The following DCAF5 variants were observed in gnomAD, a reference collection of about 807,000 sequenced individuals.
The protein encoded by DCAF5 is DDB1- and CUL4-associated factor 5.
Under a neutral mutation model 80.7 loss-of-function variants are expected in DCAF5, and 9 were observed. That is an observed-to-expected ratio of 0.11 (90% CI 0.07 to 0.19). The LOEUF is 0.19. Ranked by LOEUF, DCAF5 falls within the 10% of genes least tolerant of loss-of-function variation. The pLI, the probability that DCAF5 is intolerant of heterozygous loss-of-function variation, is 1.00. For synonymous variants in DCAF5, 433 were observed against 461.9 expected (o/e 0.94, Z 0.80); for missense variants, 842 against 1,205.7 (o/e 0.70, Z 4.47).
intron 7 of DCAF5, among the ~76,000 whole-genome samples, chr14:69,066,341 T>G (rs1342800621): frequency 6.6e-6 from 1 of 152,140 alleles, no homozygotes; most frequent in Admixed American, 6.5e-5. Flanking sequence ...TTCACCATGT[T>G]GGTTAGGCTG....
chr14:69,104,682 C>T (rs2040073348), intron 5 of DCAF5, among the ~76,000 whole-genome samples: 7 of 151,874 alleles, frequency 4.6e-5, no homozygotes. Context: ...ATGGTGAAAC[C>T]CCATCTCTAC....
chr14:69,060,149 C>G (rs945160822), intron 8 of DCAF5, among the ~76,000 whole-genome samples: 1 of 152,242 alleles, frequency 6.6e-6, no homozygotes. Context: ...CATTAGTCAT[C>G]AGCCAAAGGA....
At chr14:69,100,288 C>A (rs2140000108) in intron 5 of DCAF5, among the ~76,000 whole-genome samples, 1 of 152,250 alleles carries the variant, frequency 6.6e-6, no homozygotes, top group Non-Finnish European at 1.5e-5. Flanking sequence ...TATACTCCCT[C>A]TTTTAAAAAG....
At chr14:69,098,758 C>T (rs1186287233) in intron 5 of DCAF5, among the ~76,000 whole-genome samples, 4 of 144,826 alleles carry the variant, frequency 2.8e-5, no homozygotes, top group African/African-American at 1.0e-4. Flanking sequence ...ATTAGCCGGG[C>T]GTAGTGGCAG....
At chr14:69,100,957 G>A (rs1422771384) in intron 5 of DCAF5, among the ~76,000 whole-genome samples, 1 of 152,172 alleles carries the variant, frequency 6.6e-6, no homozygotes, top group African/African-American at 2.4e-5. Context: ...TACCCCTGAA[G>A]AAGCAACAAG....
chr14:69,122,491 C>T (rs758355939), intron 1 of DCAF5, 131 bp from the exon 2 acceptor site: 12 of 924,044 alleles, frequency 1.3e-5, no homozygotes, highest in Non-Finnish European at 1.9e-5. Context: ...GCATGGAGCA[C>T]AAAAACCCAG....
intron 5 of DCAF5, among the ~76,000 whole-genome samples, chr14:69,094,763 T>A (rs757317427): frequency 6.6e-6 from 1 of 152,014 alleles, no homozygotes; most frequent in South Asian, 2.1e-4. Context: ...AAGTGTAAGA[T>A]GCATGAAAAA....
At chr14:69,151,561 G>C (rs936240513) in intron 1 of DCAF5, among the ~76,000 whole-genome samples, 13 of 152,286 alleles carry the variant, frequency 8.5e-5, no homozygotes, top group Non-Finnish European at 1.6e-4. Context: ...GAAGAGGGCA[G>C]CAGCCAAGCA....
intron 7 of DCAF5, among the ~76,000 whole-genome samples, chr14:69,071,065 C>T (rs752614617): frequency 1.2e-4 from 18 of 152,048 alleles, no homozygotes; most frequent in African/African-American, 4.1e-4. Flanking sequence ...CCCAAAGTGC[C>T]GGGATTATAG....
At chr14:69,143,666 T>C (rs575915299) in intron 1 of DCAF5, among the ~76,000 whole-genome samples, 50 of 150,482 alleles carry the variant, frequency 3.3e-4, no homozygotes, top group African/African-American at 1.2e-3. Context: ...GCAGGGGATG[T>C]GAAACAATGA....
At chr14:69,066,382 G>C (rs544804185) in intron 7 of DCAF5, among the ~76,000 whole-genome samples, 1 of 152,036 alleles carries the variant, frequency 6.6e-6, no homozygotes, top group Admixed American at 6.6e-5. Context: ...TAATCTGCCC[G>C]CCTTGGCCTC....
intron 7 of DCAF5, among the ~76,000 whole-genome samples, chr14:69,066,363 C>T (rs756800949): frequency 3.3e-5 from 5 of 152,120 alleles, no homozygotes; most frequent in Non-Finnish European, 5.9e-5. Context: ...TCTCCAACTC[C>T]TGACCTCATA....
At chr14:69,058,654 C>T (rs946532045) in intron 8 of DCAF5, among the ~76,000 whole-genome samples, 7 of 151,890 alleles carry the variant, frequency 4.6e-5, no homozygotes, top group Non-Finnish European at 1.0e-4. Flanking sequence ...GCAGGAGGAT[C>T]GCTTGAGCCC....
At position 69,091,765 on chromosome 14, in the gene DCAF5, T is replaced by C. The variant is rs2039540357; in HGVS notation, c.788A>G (p.His263Arg). The change falls in exon 6 of 9, where the codon CAT becomes CGT. Residue 263 changes from histidine (H) to arginine (R), a missense_variant. By Grantham distance (29) the His-to-Arg change is conservative. This residue lies in a region of DCAF5 where 142 missense variants were observed against 311.9 expected (regional missense o/e 0.46). Coordinates refer to ENST00000341516, the MANE Select transcript of DCAF5 (RefSeq NM_003861.3). ...RRLPPVLYDI[H>R]SRLPVFQFDN... is the part of the protein sequence containing the mutation. ...AAACTGAAACACAGGCAGGCGGGAA[T>C]GGATGTCATAGAGCACAGGGGGCAG... is the stretch of plus-strand genomic sequence containing the variant. The C allele has an allele frequency of 2.5e-6, 4 of 1,614,036 alleles. No individual in the cohort carries two copies. Among genetic ancestry groups the C allele is most frequent in the Non-Finnish European group, 3.4e-6 (4 of 1,180,032 alleles).
intron 6 of DCAF5, among the ~76,000 whole-genome samples, chr14:69,081,704 T>C (rs1481023766): frequency 6.6e-6 from 1 of 152,094 alleles, no homozygotes; most frequent in Non-Finnish European, 1.5e-5. Context: ...TTTGTCACTG[T>C]CTCACTGACC....
At chr14:69,140,746 C>CT (rs900634639) in intron 1 of DCAF5, among the ~76,000 whole-genome samples, 111 of 151,964 alleles carry the variant, frequency 7.3e-4, no homozygotes, top group African/African-American at 2.1e-3. Context: ...CGGTTTCAGC[C>CT]TTTTTTTTCC....
intron 6 of DCAF5, among the ~76,000 whole-genome samples, chr14:69,088,058 GC>G (rs1325533209): frequency 3.5e-4 from 54 of 152,250 alleles, no homozygotes; most frequent in African/African-American, 1.2e-3. Context: ...AAAATCGGAG[GC>G]CCTGACAACA....
intron 6 of DCAF5, chr14:69,083,547 T>A: frequency 5.5e-6 from 2 of 364,492 alleles, no homozygotes; most frequent in South Asian, 3.1e-5. Flanking sequence ...CAACGGGAGG[T>A]GGAAAGGTTA....
chr14:69,075,500 G>T (rs966988525), intron 6 of DCAF5, 89 bp from the exon 7 acceptor site: 3 of 784,974 alleles, frequency 3.8e-6, no homozygotes, highest in African/African-American at 1.8e-5. Context: ...AATTTTTTTT[G>T]AGATGGAGTC....
Sources: allele counts gnomAD v4.1 joint callset (sites outside exome capture counted in the v4.1 genomes callset), GRCh38; gene constraint gnomAD v4.1.1; regional missense constraint gnomAD v4.1.1; transcripts MANE v1.5; gene names NCBI Gene and HGNC (gene_info 2026-07-23, HGNC 2026-07-21).